AGO3: variants seen among roughly 807,000 people sequenced by gnomAD.
AGO3 encodes argonaute RISC catalytic component 3.
A neutral mutation model predicts 105.5 loss-of-function variants in AGO3; 16 were observed. The observed-to-expected ratio is 0.15, with a 90% CI of 0.10 to 0.23. The LOEUF (loss-of-function observed/expected upper bound fraction) is 0.23, where lower values mean the gene tolerates loss of function less well. Ranked by LOEUF, AGO3 falls within the 10% of genes least tolerant of loss-of-function variation. AGO3 has a pLI of 1.00. For missense variants in AGO3, 534 were observed against 1,088.0 expected, an observed-to-expected ratio of 0.49 and a Z score of 7.16; for synonymous variants, 340 against 367.3, an observed-to-expected ratio of 0.93 and a Z score of 0.85.
intron 14 of AGO3, among the ~76,000 whole-genome samples, chr1:36,038,027 C>G: frequency 6.6e-6 from 1 of 152,122 alleles, no homozygotes; most frequent in Admixed American, 6.6e-5. Context: ...TGGCTTCTAT[C>G]TCCAAGAACT....
intron 5 of AGO3, chr1:35,992,250 T>C (rs1005834389): frequency 6.6e-6 from 1 of 152,296 alleles, no homozygotes; most frequent in Non-Finnish European, 1.5e-5. Context: ...CAACTGTGTC[T>C]GGCATCCTTC....
chr1:35,964,430 A>G (rs1475943069), intron 2 of AGO3, among the ~76,000 whole-genome samples: 1 of 152,172 alleles, frequency 6.6e-6, no homozygotes, highest in Non-Finnish European at 1.5e-5. Flanking sequence ...CTCTAGCTCC[A>G]TACATGTTCT....
Position 36,062,411 on chromosome 1 carries a change from G to T in AGO3, c.*6666G>T, listed in dbSNP as rs1431491285. ...ATCAGCTTAAGTGAGAAAGCAAAAT[G>T]ATAATCTCTATTGTTAGAGAAATTT... On this transcript the variant is annotated 3_prime_UTR_variant, in exon 19 of 19. Transcript: ENST00000373191. 1.3e-5 allele frequency: 2 copies of T among 152,040 alleles called. No individual in the cohort carries two copies. Among genetic ancestry groups the T allele is most frequent in the Non-Finnish European group, 2.9e-5 (2 of 68,008 alleles). 9.4% of individuals were successfully genotyped at this position (152,040 alleles called of 1,614,324 possible). A position where few individuals can be genotyped will look rare whatever the true frequency, so the allele number is the denominator to read the frequency against.
At chr1:36,031,244 A>G (rs1641759729) in intron 12 of AGO3, among the ~76,000 whole-genome samples, 1 of 151,910 alleles carries the variant, frequency 6.6e-6, no homozygotes, top group African/African-American at 2.4e-5. Flanking sequence ...AGGCATGACC[A>G]TAGTGCACTG....
chr1:36,011,228 C>T (rs959477906), intron 9 of AGO3, among the ~76,000 whole-genome samples: 5 of 152,088 alleles, frequency 3.3e-5, no homozygotes, highest in Non-Finnish European at 7.4e-5. Flanking sequence ...CTTCCAAAAG[C>T]AATTTTAAAG....
intron 14 of AGO3, among the ~76,000 whole-genome samples, chr1:36,038,652 A>G (rs903630527): frequency 6.6e-6 from 1 of 152,208 alleles, no homozygotes; most frequent in Non-Finnish European, 1.5e-5. Flanking sequence ...ACTGGAAGAA[A>G]GGGTCTGGAG....
At chr1:35,955,621 G>A (rs1646550805) in intron 2 of AGO3, among the ~76,000 whole-genome samples, 1 of 149,676 alleles carries the variant, frequency 6.7e-6, no homozygotes, top group Non-Finnish European at 1.5e-5. Context: ...TGAGACAGGA[G>A]TCTCACTCTG....
At chr1:36,035,024 A>T (rs1174419889) in intron 13 of AGO3, among the ~76,000 whole-genome samples, 1 of 152,186 alleles carries the variant, frequency 6.6e-6, no homozygotes, top group Non-Finnish European at 1.5e-5. Flanking sequence ...TTAATAGTTG[A>T]AGCAATTAGG....
At chr1:35,969,987 A>G (rs1646836949) in intron 3 of AGO3, among the ~76,000 whole-genome samples, 1 of 152,220 alleles carries the variant, frequency 6.6e-6, no homozygotes, top group Non-Finnish European at 1.5e-5. Context: ...TATGGGGTCC[A>G]TTGTGGACCA....
intron 12 of AGO3, among the ~76,000 whole-genome samples, chr1:36,033,454 C>T (rs868092130): frequency 6.6e-6 from 1 of 150,790 alleles, no homozygotes; most frequent in South Asian, 2.1e-4. Context: ...AGGCTGGGCA[C>T]CATGGTGAGA....
chr1:35,978,890 A>G (rs926206172), intron 5 of AGO3, among the ~76,000 whole-genome samples: 3 of 152,184 alleles, frequency 2.0e-5, no homozygotes, highest in Non-Finnish European at 4.4e-5. Context: ...AATATGTAGT[A>G]TTTTTATTAT....
intron 12 of AGO3, 102 bp from the exon 13 acceptor site, chr1:36,034,071 CA>C (rs1641903216): frequency 8.3e-7 from 1 of 1,204,130 alleles, no homozygotes; most frequent in Non-Finnish European, 1.1e-6. Context: ...TCCTGTAATA[CA>C]ATGATGGATT....
At chr1:36,015,904 T>C (rs564280293) in intron 11 of AGO3, among the ~76,000 whole-genome samples, 5 of 152,338 alleles carry the variant, frequency 3.3e-5, no homozygotes, top group East Asian at 3.9e-4. Context: ...GAGTTTATAA[T>C]TGAGCAAAGA....
At chr1:35,941,712 G>A (rs1257764203) in intron 1 of AGO3, among the ~76,000 whole-genome samples, 3 of 152,170 alleles carry the variant, frequency 2.0e-5, no homozygotes, top group African/African-American at 4.8e-5. Context: ...CACCTAGCAG[G>A]CCAGGCTTGG....
intron 5 of AGO3, among the ~76,000 whole-genome samples, chr1:35,987,764 A>C (rs958163501): frequency 1.3e-5 from 2 of 151,152 alleles, no homozygotes; most frequent in African/African-American, 4.9e-5. Flanking sequence ...AATAAGATTG[A>C]TTAAAAAAAA....
At chr1:36,039,727 T>C in intron 14 of AGO3, 63 bp from the exon 15 acceptor site, 1 of 1,082,198 alleles carries the variant, frequency 9.2e-7, no homozygotes, top group Non-Finnish European at 1.2e-6. Context: ...ATGAAATTCA[T>C]GTAATTTTGA....
chr1:35,996,831 G>A (rs1412649839), intron 5 of AGO3, among the ~76,000 whole-genome samples: 13 of 151,422 alleles, frequency 8.6e-5, no homozygotes, highest in Non-Finnish European at 1.9e-4. Context: ...GCAGAACATC[G>A]TTGGCCGTTC....
intron 12 of AGO3, among the ~76,000 whole-genome samples, chr1:36,030,046 G>A (rs1047917973): frequency 2.0e-5 from 3 of 151,970 alleles, no homozygotes; most frequent in African/African-American, 7.3e-5. Flanking sequence ...AACCAATAGA[G>A]TGTGGAAAAT....
chr1:36,037,713 T>C (rs1306459002), intron 14 of AGO3, among the ~76,000 whole-genome samples: 1 of 152,204 alleles, frequency 6.6e-6, no homozygotes, highest in African/African-American at 2.4e-5. Context: ...CTTGCTTTTG[T>C]ATTTTTAATG....
Sources: allele counts gnomAD v4.1 joint callset (sites outside exome capture counted in the v4.1 genomes callset), GRCh38; gene constraint gnomAD v4.1.1; transcripts MANE v1.5; gene names NCBI Gene and HGNC (gene_info 2026-07-23, HGNC 2026-07-21).